The following KIF2A variants were observed in gnomAD, a reference collection of about 807,000 sequenced individuals.
The protein encoded by KIF2A is kinesin-like protein KIF2A.
Under a neutral mutation model 100.2 loss-of-function variants are expected in KIF2A, and 22 were observed. The observed-to-expected ratio is 0.22, with a 90% CI of 0.16 to 0.31. The LOEUF (loss-of-function observed/expected upper bound fraction) is 0.31. KIF2A is among the 10% of genes least tolerant of loss of function. The pLI is 1.00. For missense variants in KIF2A, 495 were observed against 898.7 expected, an observed-to-expected ratio of 0.55 and a Z score of 5.74; for synonymous variants, 268 against 285.9, an observed-to-expected ratio of 0.94 and a Z score of 0.63.
intron 4 of KIF2A, among the ~76,000 whole-genome samples, 165 bp downstream of exon 4, chr5:62,350,285 GT>G (rs111497473): frequency 2.0e-5 from 3 of 146,564 alleles, no homozygotes; most frequent in African/African-American, 2.5e-5. Flanking sequence ...TTGTTTTTTG[GT>G]TTTTTTTTTG....
chr5:62,327,965 C>T (rs558651063), intron 1 of KIF2A, among the ~76,000 whole-genome samples: 1 of 152,270 alleles, frequency 6.6e-6, no homozygotes, highest in African/African-American at 2.4e-5. Context: ...GAAAAGTTCA[C>T]AGAATAGCAC....
At chr5:62,343,275 A>G (rs1010637591) in intron 1 of KIF2A, among the ~76,000 whole-genome samples, 2 of 152,026 alleles carry the variant, frequency 1.3e-5, no homozygotes, top group African/African-American at 4.8e-5. Context: ...TTTTTAGGTC[A>G]TCAATTTCAC....
rs1440403175 is a variant in KIF2A at position 62,389,559 on chromosome 5, T to C, written c.*3990T>C. Among the ~76,000 whole-genome samples the C allele has an allele frequency of 6.6e-6, 1 of 151,742 alleles. No individual in the cohort carries two copies. The highest frequency in any genetic ancestry group is 6.6e-5 in the Admixed American group (1 of 15,220). On this transcript the variant is annotated 3_prime_UTR_variant, in exon 21 of 21. Coordinates refer to ENST00000407818, the MANE Select transcript of KIF2A (RefSeq NM_001098511.3). ...ATGTATTGGTTAAAACCATGCCATG[T>C]TGGTGCCTCTTTCATTAGAGCCTTT...
At chr5:62,367,204 T>C (rs1246343277) in intron 16 of KIF2A, among the ~76,000 whole-genome samples, 1 of 152,204 alleles carries the variant, frequency 6.6e-6, no homozygotes, top group African/African-American at 2.4e-5. Context: ...ATGCTCTATA[T>C]GGGGAATCTA....
rs1742279832 is a variant in KIF2A at position 62,390,865 on chromosome 5, A to C, written c.*5296A>C. On this transcript the variant is annotated 3_prime_UTR_variant, in exon 21 of 21. Transcript: ENST00000407818. ...AAATGTAAACACTTAGGAAAACAAA[A>C]ATGTAATTACCTGATGAAGTCATCT... 6.2e-7 allele frequency: 1 copy of C among 1,608,476 alleles called. No individual in the cohort carries two copies. Among genetic ancestry groups the C allele is most frequent in the Non-Finnish European group, 8.5e-7 (1 of 1,176,850 alleles).
At chr5:62,350,638 G>C in intron 4 of KIF2A, among the ~76,000 whole-genome samples, 1 of 152,030 alleles carries the variant, frequency 6.6e-6, no homozygotes. Flanking sequence ...TTGTCCAGGT[G>C]CGGTGACTCA....
chr5:62,339,921 G>T (rs896107702), intron 1 of KIF2A, among the ~76,000 whole-genome samples: 2 of 150,236 alleles, frequency 1.3e-5, no homozygotes, highest in African/African-American at 4.9e-5. Context: ...AAATATCTGG[G>T]TAGTTACTTT....
chr5:62,319,587 A>C (rs762159572), intron 1 of KIF2A, among the ~76,000 whole-genome samples: 4 of 152,184 alleles, frequency 2.6e-5, no homozygotes, highest in Admixed American at 6.5e-5. Context: ...GGTCAGACTC[A>C]AGTTCCTTTA....
chr5:62,357,908 T>C (rs1748197033), intron 8 of KIF2A, among the ~76,000 whole-genome samples, 163 bp downstream of exon 8: 1 of 152,232 alleles, frequency 6.6e-6, no homozygotes, highest in Non-Finnish European at 1.5e-5. Context: ...CAGTTTGTTA[T>C]TGCTCTGAAT....
At chr5:62,330,911 A>C (rs906559757) in intron 1 of KIF2A, among the ~76,000 whole-genome samples, 3 of 152,162 alleles carry the variant, frequency 2.0e-5, no homozygotes, top group Non-Finnish European at 2.9e-5. Context: ...TATGTGTACA[A>C]ATTTTTAAAT....
chr5:62,382,967 C>T (rs1236172712), intron 20 of KIF2A, among the ~76,000 whole-genome samples: 2 of 137,624 alleles, frequency 1.5e-5, no homozygotes, highest in African/African-American at 5.5e-5. Flanking sequence ...CTTGCTTTAT[C>T]GCCCAGGCTG....
At chr5:62,339,467 G>A (rs1006708629) in intron 1 of KIF2A, among the ~76,000 whole-genome samples, 3 of 130,288 alleles carry the variant, frequency 2.3e-5, no homozygotes, top group Admixed American at 7.8e-5. Flanking sequence ...AGCCACTATC[G>A]ATAGGAAGCA....
chr5:62,376,406 T>TTTTTG (rs1554043289), intron 18 of KIF2A, among the ~76,000 whole-genome samples: 2 of 151,424 alleles, frequency 1.3e-5, no homozygotes, highest in Non-Finnish European at 2.9e-5. Flanking sequence ...GAGAAGTTTT[T>TTTTTG]TTTGTTTGTT....
intron 1 of KIF2A, among the ~76,000 whole-genome samples, chr5:62,324,988 A>G (rs1746291691): frequency 6.6e-6 from 1 of 152,190 alleles, no homozygotes; most frequent in African/African-American, 2.4e-5. Context: ...ATAAGAAACA[A>G]TTCAAGCAAA....
intron 1 of KIF2A, among the ~76,000 whole-genome samples, chr5:62,339,848 G>C (rs1417567177): frequency 6.7e-6 from 1 of 150,084 alleles, no homozygotes; most frequent in African/African-American, 2.4e-5. Context: ...TTAGATTTCT[G>C]TGTGTGTGTG....
intron 1 of KIF2A, among the ~76,000 whole-genome samples, chr5:62,337,334 AT>A (rs1561259536): frequency 6.6e-6 from 1 of 152,096 alleles, no homozygotes; most frequent in Non-Finnish European, 1.5e-5. Context: ...TCTACTAAAA[AT>A]ACAAAAATTA....
At chr5:62,364,197 G>C (rs1320972276) in intron 14 of KIF2A, among the ~76,000 whole-genome samples, 3 of 151,758 alleles carry the variant, frequency 2.0e-5, no homozygotes, top group Non-Finnish European at 4.4e-5. Context: ...GCCCAGGCTG[G>C]AGTGCAGTGA....
intron 3 of KIF2A, among the ~76,000 whole-genome samples, chr5:62,348,932 G>A (rs890109257): frequency 2.6e-5 from 4 of 152,174 alleles, no homozygotes; most frequent in Admixed American, 1.3e-4. Flanking sequence ...CAGCCTGTAG[G>A]AACTTGATAT....
rs1397108317 is a variant in KIF2A at position 62,385,967 on chromosome 5, G to A, written c.*398G>A. ...CTGAGCAGTTTTAAATCCTTTGCGT[G>A]CATGCATACCTCATCAGTGATTGTA... On this transcript the variant is annotated 3_prime_UTR_variant, in exon 21 of 21. Coordinates refer to ENST00000407818, the MANE Select transcript of KIF2A (RefSeq NM_001098511.3). The A allele has an allele frequency of 9.7e-6, 2 of 205,286 alleles. No homozygotes were observed. Among genetic ancestry groups the A allele is most frequent in the Non-Finnish European group, 2.0e-5 (2 of 99,786 alleles). 12.7% of individuals were successfully genotyped at this position (205,286 alleles called of 1,614,324 possible).
Sources: gnomAD v4.1 joint callset for allele counts (sites outside exome capture counted in the v4.1 genomes callset) on GRCh38, gnomAD v4.1.1 for gene constraint, MANE v1.5 for transcripts, NCBI Gene and HGNC (gene_info 2026-07-23, HGNC 2026-07-21) for gene names.